Variants in NOVA1 observed in about 807,000 individuals in gnomAD.
The protein encoded by NOVA1 is NOVA alternative splicing regulator 1.
A neutral mutation model predicts 38.0 loss-of-function variants in NOVA1; 7 were observed. The ratio of observed to expected loss-of-function variants is 0.18; its 90% CI spans 0.10 to 0.35. The LOEUF (loss-of-function observed/expected upper bound fraction) is 0.35, where lower values mean the gene tolerates loss of function less well. NOVA1 is among the 10% of genes least tolerant of loss of function. The pLI is 1.00. For synonymous variants in NOVA1, 270 were observed against 232.5 expected (o/e 1.16, Z -1.47); for missense variants, 460 against 616.0 (o/e 0.75, Z 2.68).
At chr14:26,484,353 G>T (rs1356873780) in intron 2 of NOVA1, among the ~76,000 whole-genome samples, 4 of 139,892 alleles carry the variant, frequency 2.9e-5, no homozygotes, top group Admixed American at 2.3e-4. Context: ...GGAGAATGAC[G>T]CGAACCCGTG....
chr14:26,546,343 G>A (rs1890786934), intron 2 of NOVA1, among the ~76,000 whole-genome samples: 1 of 152,020 alleles, frequency 6.6e-6, no homozygotes, highest in Admixed American at 6.6e-5. Flanking sequence ...ATCTGAAGGT[G>A]TTTCGTCTCT....
intron 4 of NOVA1, among the ~76,000 whole-genome samples, chr14:26,449,258 G>A (rs1473969980): frequency 6.6e-6 from 1 of 151,954 alleles, no homozygotes; most frequent in Non-Finnish European, 1.5e-5. Flanking sequence ...TTAACAAGAG[G>A]GGATCATAAC....
At chr14:26,596,293 T>C (rs555901604) in intron 1 of NOVA1, among the ~76,000 whole-genome samples, 3 of 152,208 alleles carry the variant, frequency 2.0e-5, no homozygotes, top group South Asian at 2.1e-4. Context: ...TTATATTAAA[T>C]AGGCTTAAAA....
chr14:26,473,841 A>G (rs1884776695), intron 3 of NOVA1, among the ~76,000 whole-genome samples: 1 of 152,056 alleles, frequency 6.6e-6, no homozygotes, highest in Non-Finnish European at 1.5e-5. Flanking sequence ...TAGGACAGCT[A>G]TAGTAATCAG....
chr14:26,459,183 G>A (rs528048743), intron 4 of NOVA1, among the ~76,000 whole-genome samples: 12 of 152,094 alleles, frequency 7.9e-5, no homozygotes, highest in East Asian at 1.9e-4. Flanking sequence ...CTATACAGGA[G>A]TATATTATAT....
intron 2 of NOVA1, among the ~76,000 whole-genome samples, chr14:26,584,680 T>A (rs949459566): frequency 6.6e-6 from 1 of 151,416 alleles, no homozygotes; most frequent in East Asian, 1.9e-4. Flanking sequence ...TGCACATCTT[T>A]ATGTCTATAT....
intron 2 of NOVA1, among the ~76,000 whole-genome samples, chr14:26,492,742 G>A (rs178202): frequency 0.63 from 95,769 of 151,830 alleles, 32,873 homozygotes; most frequent in Non-Finnish European, 0.75. Context: ...CGAGGTAGGC[G>A]GATCACTTGA....
At chr14:26,488,712 TAAC>T (rs1394213199) in intron 2 of NOVA1, among the ~76,000 whole-genome samples, 2 of 152,134 alleles carry the variant, frequency 1.3e-5, no homozygotes, top group Admixed American at 6.6e-5. Flanking sequence ...AAAACTGCCA[TAAC>T]AAATTTTTAT....
chr14:26,571,710 C>T (rs531516841), intron 2 of NOVA1, among the ~76,000 whole-genome samples: 1 of 152,252 alleles, frequency 6.6e-6, no homozygotes, highest in South Asian at 2.1e-4. Context: ...AAGCATGCAA[C>T]CTATGAGAGA....
intron 2 of NOVA1, among the ~76,000 whole-genome samples, chr14:26,481,511 TAAAAG>T (rs2138301833): frequency 6.6e-6 from 1 of 152,096 alleles, no homozygotes; most frequent in Non-Finnish European, 1.5e-5. Flanking sequence ...GAAGCAGAAA[TAAAAG>T]AAAAACTTAG....
chr14:26,452,257 G>T (rs1882752222), intron 4 of NOVA1, among the ~76,000 whole-genome samples: 1 of 152,092 alleles, frequency 6.6e-6, no homozygotes, highest in Non-Finnish European at 1.5e-5. Flanking sequence ...TCTAATATGG[G>T]CAGAGAGAAG....
intron 2 of NOVA1, among the ~76,000 whole-genome samples, chr14:26,520,758 C>T (rs1190012420): frequency 3.3e-5 from 5 of 151,930 alleles, no homozygotes; most frequent in Admixed American, 6.6e-5. Flanking sequence ...TAATGAAGAT[C>T]GACTGAATTT....
intron 2 of NOVA1, among the ~76,000 whole-genome samples, chr14:26,496,448 G>A (rs1267930245): frequency 6.6e-6 from 1 of 152,060 alleles, no homozygotes; most frequent in Non-Finnish European, 1.5e-5. Context: ...TAGGTTGCCT[G>A]TTCACTCTGA....
Position 26,496,634 on chromosome 14 carries a change from G to A in NOVA1, c.281-16491C>T, listed in dbSNP as rs993704529. ...GGCTGTTTATGGTTTTAGGTCTAAC[G>A]TTTAAGTCTTTAATCCATCTTGAAT... On this transcript the variant is annotated intron_variant, in intron 2 of 4. Transcript: ENST00000539517. Among the ~76,000 whole-genome samples, 125 of 152,226 alleles carry A rather than the reference G, an allele frequency of 8.2e-4. 1 individual carries two copies. Among genetic ancestry groups the A allele is most frequent in the Non-Finnish European group, 2.1e-4 (14 of 68,022 alleles).
chr14:26,522,423 A>G (rs1016349805), intron 2 of NOVA1, among the ~76,000 whole-genome samples: 1 of 152,146 alleles, frequency 6.6e-6, no homozygotes, highest in African/African-American at 2.4e-5. Flanking sequence ...CTGTGATTCA[A>G]AAACTATTGT....
intron 2 of NOVA1, among the ~76,000 whole-genome samples, chr14:26,509,351 T>C (rs1457099784): frequency 6.6e-6 from 1 of 152,048 alleles, no homozygotes; most frequent in Non-Finnish European, 1.5e-5. Context: ...ATATCCTAAG[T>C]AAGACTCATT....
At position 26,595,524 on chromosome 14, in the gene NOVA1, T is replaced by C; in HGVS notation, c.166A>G (p.Ile56Val). 6.2e-7 allele frequency: 1 copy of C among 1,613,490 alleles called. No homozygotes were observed. The highest frequency in any genetic ancestry group is 8.5e-7 in the Non-Finnish European group (1 of 1,179,662). Residue 56 changes from isoleucine to valine, a missense_variant, in exon 2 of 5, where the codon ATA (isoleucine) becomes GTA (valine). Transcript: ENST00000539517. ...EDGQYFLKVLIPSYAAGSIIG... is the reference protein window; with the variant it reads ...EDGQYFLKVLVPSYAAGSIIG... ...ATAGATCCAGCAGCATAACTAGGTA[T>C]GAGAACCTTTAGAAAATACTGGCCG...
chr14:26,556,270 T>C (rs887302498), intron 2 of NOVA1, among the ~76,000 whole-genome samples: 5 of 152,182 alleles, frequency 3.3e-5, no homozygotes, highest in South Asian at 2.1e-4. Flanking sequence ...ATCAAGACAA[T>C]GTGGTACTGG....
At chr14:26,555,433 T>A (rs1594526696) in intron 2 of NOVA1, among the ~76,000 whole-genome samples, 1 of 152,132 alleles carries the variant, frequency 6.6e-6, no homozygotes, top group Non-Finnish European at 1.5e-5. Context: ...CTCATTCATT[T>A]AACAATCACT....
Sources: gnomAD v4.1 joint callset for allele counts (sites outside exome capture counted in the v4.1 genomes callset) on GRCh38, gnomAD v4.1.1 for gene constraint, MANE v1.5 for transcripts, NCBI Gene and HGNC (gene_info 2026-07-23, HGNC 2026-07-21) for gene names.